The following RYK variants were observed in gnomAD, a reference collection of about 807,000 sequenced individuals.
RYK encodes the protein receptor like tyrosine kinase.
Under a neutral mutation model 70.2 loss-of-function variants are expected in RYK, and 21 were observed. That is an observed-to-expected ratio of 0.30 (90% CI 0.21 to 0.43). The LOEUF is 0.43. Among genes scored for constraint, RYK ranks in the 20% least tolerant of loss-of-function variants. RYK has a pLI of 1.00. For missense variants in RYK, 604 were observed against 753.3 expected, an observed-to-expected ratio of 0.80 and a Z score of 2.32; for synonymous variants, 267 against 278.0, an observed-to-expected ratio of 0.96 and a Z score of 0.39.
chr3:134,198,952 C>G lies in RYK; in HGVS notation c.789-3770G>C, dbSNP rs371595786. The stretch of plus-strand genomic sequence containing the variant: ...GAAAAATTAAGATGCTGCCAGATGA[C>G]AAGTTCAAGCATCCCACAAAGGAGT... On this transcript the variant is annotated intron_variant, in intron 6 of 14. Transcript: ENST00000623711. Among the ~76,000 whole-genome samples the G allele has an allele frequency of 2.6e-5, 4 of 152,264 alleles. No homozygotes were observed. The East Asian group carries it at 5.8e-4, about 22-fold the overall frequency.
At chr3:134,200,888 C>G (rs527875001) in intron 6 of RYK, among the ~76,000 whole-genome samples, 1 of 152,336 alleles carries the variant, frequency 6.6e-6, no homozygotes, top group East Asian at 1.9e-4. Flanking sequence ...TGCCTGAAAA[C>G]TAAAGAGAAC....
At chr3:134,206,211 G>A (rs2014208119) in intron 5 of RYK, among the ~76,000 whole-genome samples, 1 of 152,092 alleles carries the variant, frequency 6.6e-6, no homozygotes, top group African/African-American at 2.4e-5. Context: ...TGCCTCCCAA[G>A]GTGATGAAAA....
chr3:134,197,205 G>A lies in RYK; in HGVS notation c.789-2023C>T, dbSNP rs192240482. ...CTATCATCTGGTCAGAGTGCTGGAA[G>A]AGCTTCTTTGGCTCAACGTTATTAC... On this transcript the variant is annotated intron_variant, in intron 6 of 14. Transcript: ENST00000623711. Among the ~76,000 whole-genome samples, 5 of 152,304 alleles carry A rather than the reference G, an allele frequency of 3.3e-5. No homozygotes were observed. In the South Asian group the frequency reaches 6.2e-4, roughly 19 times the overall value.
chr3:134,183,162 T>C lies in RYK; in HGVS notation c.1103-91A>G, dbSNP rs188617990. Reference sequence around the variant, plus strand: ...CTATTAGTAAATAATTATCTTGAACTATAAGGTACATAGGTTTTCATTATA... The same window carrying C: ...CTATTAGTAAATAATTATCTTGAACCATAAGGTACATAGGTTTTCATTATA... On this transcript the variant is annotated intron_variant, in intron 9 of 14. Transcript: ENST00000623711. The C allele has an allele frequency of 1.3e-4, 93 of 689,980 alleles. No homozygotes were observed. In the African/African-American group the frequency reaches 1.6e-3, roughly 12 times the overall value. The allele number at this position is 689,980 out of a possible 1,614,324, so 42.7% of individuals were successfully genotyped here.
intron 1 of RYK, among the ~76,000 whole-genome samples, chr3:134,248,167 T>C (rs960962867): frequency 6.6e-6 from 1 of 152,196 alleles, no homozygotes; most frequent in African/African-American, 2.4e-5. Flanking sequence ...ATGGAGTGAC[T>C]AGAGATCCTC....
intron 6 of RYK, among the ~76,000 whole-genome samples, chr3:134,196,471 C>T (rs763764409): frequency 2.6e-5 from 4 of 151,928 alleles, no homozygotes; most frequent in South Asian, 2.1e-4. Flanking sequence ...AAGCTGAGTG[C>T]GGTGTGAAGC....
chr3:134,203,618 G>C (rs142861489), intron 5 of RYK, among the ~76,000 whole-genome samples: 60 of 152,192 alleles, frequency 3.9e-4, no homozygotes, highest in African/African-American at 1.4e-3. Context: ...ACTTGGATAA[G>C]GGTACCTTTA....
intron 6 of RYK, among the ~76,000 whole-genome samples, chr3:134,200,365 C>T (rs889610187): frequency 2.6e-4 from 40 of 152,256 alleles, no homozygotes; most frequent in African/African-American, 9.1e-4. Context: ...CGAAGGTCTG[C>T]GGCTTCACTC....
At chr3:134,235,177 A>T (rs896244614) in intron 1 of RYK, among the ~76,000 whole-genome samples, 1 of 152,166 alleles carries the variant, frequency 6.6e-6, no homozygotes. Context: ...AGTACCATCT[A>T]TCTCAAAGAG....
rs1244288919 is a variant in RYK, at chr3:134,188,164, TA to T, written c.1102+672del. ...GACAATCTAACAATATATATATATATATATTTTTTTTTTTTTTTGAGACAGA... is the reference window on the plus strand; with the variant it reads ...GACAATCTAACAATATATATATATATTATTTTTTTTTTTTTTTGAGACAGA... On this transcript the variant is annotated intron_variant, in intron 9 of 14. Transcript: ENST00000623711. Among the ~76,000 whole-genome samples the T allele has an allele frequency of 1.5e-3, 71 of 46,352 alleles. 2 individuals carry two copies. The highest frequency in any genetic ancestry group is 3.0e-3 in the South Asian group (6 of 2,022). The allele number at this position is 46,352 out of a possible 152,430, so 30.4% of individuals were successfully genotyped here. A position where few individuals can be genotyped will look rare whatever the true frequency, so the allele number is the denominator to read the frequency against.
In RYK at chr3:134,209,156, C is replaced by T. The variant is rs75157131; in HGVS notation, c.589+539G>A. ...ACTAACTTTGCTAAGTACCCACATACGGTATTCTAAGTTTTAGGCTAGATT... is the reference window on the plus strand; with the variant it reads ...ACTAACTTTGCTAAGTACCCACATATGGTATTCTAAGTTTTAGGCTAGATT... On this transcript the variant is annotated intron_variant, in intron 4 of 14. Coordinates refer to ENST00000623711, the MANE Select transcript of RYK (RefSeq NM_002958.4). 7.5e-3 allele frequency among the ~76,000 whole-genome samples: 1,148 copies of T among 152,182 alleles called. 12 individuals carry two copies. Among genetic ancestry groups the T allele is most frequent in the African/African-American group, 0.026 (1,089 of 41,510 alleles).
At chr3:134,240,441 T>C (rs1299419812) in intron 1 of RYK, among the ~76,000 whole-genome samples, 3 of 152,286 alleles carry the variant, frequency 2.0e-5, no homozygotes, top group East Asian at 1.9e-4. Context: ...ATTTAAAATA[T>C]AAGGGAGGGA....
intron 1 of RYK, among the ~76,000 whole-genome samples, chr3:134,233,227 G>C (rs1408891788): frequency 6.6e-6 from 1 of 152,198 alleles, no homozygotes; most frequent in African/African-American, 2.4e-5. Flanking sequence ...TTGGTGCTCT[G>C]CTTTAATTGC....
chr3:134,212,939 C>T (rs183487686), intron 2 of RYK, among the ~76,000 whole-genome samples: 4 of 151,208 alleles, frequency 2.6e-5, no homozygotes, highest in African/African-American at 4.8e-5. Flanking sequence ...AAGATAGGTA[C>T]GTAAACAACT....
intron 2 of RYK, among the ~76,000 whole-genome samples, chr3:134,216,792 C>CAAACAAA (rs2014566202): frequency 2.7e-5 from 1 of 37,420 alleles, no homozygotes; most frequent in Non-Finnish European, 4.6e-5. Flanking sequence ...GACTCTGTCT[C>CAAACAAA]AAAAAAAAAA....
chr3:134,176,806 T>C (rs969808249), intron 11 of RYK, among the ~76,000 whole-genome samples: 1 of 151,926 alleles, frequency 6.6e-6, no homozygotes, highest in African/African-American at 2.4e-5. Flanking sequence ...ATCCCAGCAC[T>C]TTGGGAGGCT....
At chr3:134,189,718 G>C (rs890149662) in intron 8 of RYK, among the ~76,000 whole-genome samples, 4 of 139,336 alleles carry the variant, frequency 2.9e-5, no homozygotes, top group African/African-American at 1.1e-4. Flanking sequence ...ACTCCAGCCT[G>C]GGCAACAGAA....
chr3:134,209,548 T>G, intron 4 of RYK, 147 bp downstream of exon 4: 1 of 554,522 alleles, frequency 1.8e-6, no homozygotes, highest in Admixed American at 4.2e-5. Flanking sequence ...TCTGGGATTA[T>G]CTCAAAACTT....
rs140161444 is a variant in RYK at position 134,247,454 on chromosome 3, A to G, written c.232+2969T>C. Among the ~76,000 whole-genome samples, 1,141 of 152,346 alleles carry G rather than the reference A, an allele frequency of 7.5e-3. 21 individuals are homozygous for G. The highest frequency in any genetic ancestry group is 0.025 in the African/African-American group (1,046 of 41,572). On this transcript the variant is annotated intron_variant, in intron 1 of 14. Transcript: ENST00000623711. ...TGCGGTGGCTCACACCTGTAATCCC[A>G]GCACTTTGGGAGGCTGAGGTGGGTG...
Sources: gnomAD v4.1 joint callset for allele counts (sites outside exome capture counted in the v4.1 genomes callset) on GRCh38, gnomAD v4.1.1 for gene constraint, MANE v1.5 for transcripts, NCBI Gene and HGNC (gene_info 2026-07-23, HGNC 2026-07-21) for gene names.